The following SPTBN1 variants were observed in gnomAD, a reference collection of about 807,000 sequenced individuals.
SPTBN1 encodes the protein spectrin beta, non-erythrocytic 1.
A neutral mutation model predicts 266.4 loss-of-function variants in SPTBN1; 32 were observed. That is an observed-to-expected ratio of 0.12 (90% CI 0.09 to 0.16). The LOEUF (loss-of-function observed/expected upper bound fraction) is 0.16. Among genes scored for constraint, SPTBN1 ranks in the 10% least tolerant of loss-of-function variants. SPTBN1 has a pLI of 1.00. For missense variants in SPTBN1, 2,296 were observed against 3,067.1 expected (o/e 0.75, Z 5.94); for synonymous variants, 1,336 against 1,162.2 (o/e 1.15, Z -3.04).
At chr2:54,632,038 C>T (rs1041268469) in intron 16 of SPTBN1, among the ~76,000 whole-genome samples, 10 of 148,008 alleles carry the variant, frequency 6.8e-5, no homozygotes, top group African/African-American at 2.5e-4. Flanking sequence ...GATCGTGCCA[C>T]TGCACTCCAG....
chr2:54,560,192 G>C (rs1379070989), intron 2 of SPTBN1, among the ~76,000 whole-genome samples: 1 of 144,806 alleles, frequency 6.9e-6, no homozygotes, highest in Non-Finnish European at 1.5e-5. Flanking sequence ...TGGGGTGGGG[G>C]GGGGCGTTCA....
chr2:54,634,638 TC>T (rs1678987189), intron 17 of SPTBN1, among the ~76,000 whole-genome samples: 2 of 152,214 alleles, frequency 1.3e-5, no homozygotes, highest in South Asian at 4.1e-4. Flanking sequence ...ATCTGTGAGT[TC>T]CAGGTGCTGT....
intron 1 of SPTBN1, among the ~76,000 whole-genome samples, chr2:54,490,791 A>G (rs1668645479): frequency 6.6e-6 from 1 of 152,062 alleles, no homozygotes; most frequent in African/African-American, 2.4e-5. Context: ...TGTTAGTTGG[A>G]AAGATTAAGG....
rs981233698 is a variant in SPTBN1 at position 54,658,889 on chromosome 2, A to T, written c.6244-265A>T. 3.3e-5 allele frequency among the ~76,000 whole-genome samples: 5 copies of T among 152,178 alleles called. 1 individual carries two copies. The East Asian group carries it at 7.7e-4, about 23-fold the overall frequency. ...GAGTTGAGAGTTGCATAGTTACTTTAGAAATTAAACCCAAGCTCCCAGGGG... is the reference window on the plus strand; with the variant it reads ...GAGTTGAGAGTTGCATAGTTACTTTTGAAATTAAACCCAAGCTCCCAGGGG... On this transcript the variant is annotated intron_variant, in intron 30 of 35. Transcript: ENST00000356805.
At chr2:54,627,369 C>T (rs962128997) in intron 12 of SPTBN1, among the ~76,000 whole-genome samples, 5 of 152,058 alleles carry the variant, frequency 3.3e-5, no homozygotes, top group Non-Finnish European at 5.9e-5. Flanking sequence ...TCTCATCTGG[C>T]GAGGATGTAG....
intron 1 of SPTBN1, among the ~76,000 whole-genome samples, chr2:54,475,892 A>G (rs1438772829): frequency 6.6e-6 from 1 of 152,148 alleles, no homozygotes; most frequent in Non-Finnish European, 1.5e-5. Flanking sequence ...TCCATACCAG[A>G]GTGTTTAGTT....
In SPTBN1 at chr2:54,558,676, A is replaced by AG. The variant is rs1673051212; in HGVS notation, c.148+32112dup. The AG allele has an allele frequency of 1.3e-6, 2 of 1,529,534 alleles. No homozygotes were observed. Among genetic ancestry groups the AG allele is most frequent in the Admixed American group, 3.9e-5 (2 of 50,658 alleles). The allele number at this position is 1,529,534 out of a possible 1,614,324, so 94.7% of individuals were successfully genotyped here. On this transcript the variant is annotated intron_variant, in intron 2 of 35. Coordinates refer to ENST00000356805, the MANE Select transcript of SPTBN1 (RefSeq NM_003128.3). This position sits in a 1 kb window ranked among gnomAD's most constrained non-coding sequence, Gnocchi z 4.6. ...TGCAGACCGGAATGGGGCTCGCCTA[A>AG]GGAGCCGAGCGCTGCGGAGGCTGCT... is the stretch of plus-strand genomic sequence containing the variant.
rs1215512625 is a variant in SPTBN1, at chr2:54,649,450, C to G, written c.5203-165C>G. 1.7e-6 allele frequency: 2 copies of G among 1,176,910 alleles called. No individual in the cohort carries two copies. The allele number at this position is 1,176,910 out of a possible 1,614,324, so 72.9% of individuals were successfully genotyped here. ...TGCTGCAGTGAGCAAGAAAGGAAAC[C>G]CAGTTGCTAAGAGGTTCTCGAGCTA... On this transcript the variant is annotated intron_variant, in intron 25 of 35. Transcript: ENST00000356805. The surrounding 1 kb of genome is among the most constrained non-coding windows in gnomAD (Gnocchi z 6.7).
Position 54,645,942 on chromosome 2 carries a change from G to A in SPTBN1, c.4509G>A (p.Glu1503=). 6.2e-7 allele frequency: 1 copy of A among 1,614,206 alleles called. No individual in the cohort carries two copies. Among genetic ancestry groups the A allele is most frequent in the Non-Finnish European group, 8.5e-7 (1 of 1,180,046 alleles). Reference sequence around the variant, plus strand: ...ATTCTTCCCAGTTGTGGGTTGGAGAGAGGATGCCTTTGGCAACTTCCACGG... The same window carrying A: ...ATTCTTCCCAGTTGTGGGTTGGAGAAAGGATGCCTTTGGCAACTTCCACGG... ...DVEDEILWVG[E]RMPLATSTDH... Residue 1503 remains glutamate (E), a synonymous_variant, in exon 22 of 36, where the codon GAG becomes GAA. Transcript: ENST00000356805. The surrounding 1 kb of genome is among the most constrained non-coding windows in gnomAD (Gnocchi z 4.3).
At chr2:54,541,289 C>A (rs1486503425) in intron 2 of SPTBN1, among the ~76,000 whole-genome samples, 1 of 152,152 alleles carries the variant, frequency 6.6e-6, no homozygotes, top group Non-Finnish European at 1.5e-5. Flanking sequence ...CAGCATTTGC[C>A]CTGGGCCCCT....
intron 1 of SPTBN1, among the ~76,000 whole-genome samples, chr2:54,499,121 C>T (rs972729540): frequency 1.5e-5 from 2 of 133,680 alleles, no homozygotes; most frequent in Admixed American, 7.7e-5. Context: ...GTAGGGTTAA[C>T]ATTTGCCCAC....
At chr2:54,656,679 A>G (rs139537445) in intron 29 of SPTBN1, among the ~76,000 whole-genome samples, 1 of 152,258 alleles carries the variant, frequency 6.6e-6, no homozygotes, top group African/African-American at 2.4e-5. Flanking sequence ...CCATCTATGC[A>G]TGTTATGGGG....
intron 26 of SPTBN1, 34 bp downstream of exon 26, chr2:54,650,023 G>A: frequency 1.3e-6 from 2 of 1,571,882 alleles, no homozygotes; most frequent in Non-Finnish European, 1.7e-6. Flanking sequence ...GTGCTGGGGA[G>A]GCTTTTTCTC....
intron 2 of SPTBN1, among the ~76,000 whole-genome samples, chr2:54,532,458 T>A (rs1573356040): frequency 6.6e-6 from 1 of 152,204 alleles, no homozygotes; most frequent in South Asian, 2.1e-4. Flanking sequence ...GAAATATACA[T>A]CTTTTGTATA....
chr2:54,458,383 A>G (rs1379797644), intron 1 of SPTBN1, among the ~76,000 whole-genome samples: 1 of 152,070 alleles, frequency 6.6e-6, no homozygotes, highest in African/African-American at 2.4e-5. Flanking sequence ...GTACAGTTGC[A>G]TTATTTGGAT....
intron 6 of SPTBN1, 67 bp from the exon 7 acceptor site, chr2:54,618,011 A>G: frequency 1.6e-6 from 2 of 1,263,314 alleles, no homozygotes; most frequent in Non-Finnish European, 1.1e-6. Context: ...AGTAACAGTC[A>G]TGTTTCATTA....
intron 2 of SPTBN1, among the ~76,000 whole-genome samples, chr2:54,541,424 A>AAG (rs911539752): frequency 2.2e-4 from 34 of 152,232 alleles, no homozygotes; most frequent in African/African-American, 7.7e-4. Flanking sequence ...CAGGATGGAG[A>AAG]AGAGGCGAGG....
At position 54,655,935 on chromosome 2, in the gene SPTBN1, T is replaced by C. The variant is rs138594752; in HGVS notation, c.5983T>C (p.Leu1995=). ...SEEIKEKLLQ[L]TEKRKEMIDK... ...ACAGATCAAGGAAAAATTACTGCAG[T>C]TGACGGAAAAGAGGAAAGAAATGAT... Residue 1995 remains leucine, a synonymous_variant, in exon 29 of 36, where the codon TTG becomes CTG. Coordinates refer to ENST00000356805, the MANE Select transcript of SPTBN1 (RefSeq NM_003128.3). 7 of 1,613,152 alleles carry C rather than the reference T, an allele frequency of 4.3e-6. No homozygotes were observed. Among genetic ancestry groups the C allele is most frequent in the Non-Finnish European group, 5.9e-6 (7 of 1,179,398 alleles).
At chr2:54,556,815 C>T (rs1253322768) in intron 2 of SPTBN1, among the ~76,000 whole-genome samples, 1 of 152,054 alleles carries the variant, frequency 6.6e-6, no homozygotes, top group Non-Finnish European at 1.5e-5. Context: ...TGGAGGTGGG[C>T]ATTAATTATT....
Sources: allele counts gnomAD v4.1 joint callset (sites outside exome capture counted in the v4.1 genomes callset), GRCh38; gene constraint gnomAD v4.1.1; non-coding constraint Gnocchi (gnomAD v3.1); transcripts MANE v1.5; gene names NCBI Gene and HGNC (gene_info 2026-07-23, HGNC 2026-07-21).